Variants in CACNA1S observed in about 807,000 individuals in gnomAD.
CACNA1S encodes the protein voltage-dependent L-type calcium channel subunit alpha-1S.
Under a neutral mutation model 207.4 loss-of-function variants are expected in CACNA1S, and 126 were observed. The ratio of observed to expected loss-of-function variants is 0.61; its 90% confidence interval spans 0.53 to 0.70. CACNA1S has a LOEUF of 0.70. Ranked by LOEUF, CACNA1S falls within the 30% of genes least tolerant of loss-of-function variation. The probability of loss-of-function intolerance (pLI) is 0.00; values close to 1 mark genes in which losing one functional copy is unlikely to be tolerated. For missense variants in CACNA1S, 2,349 were observed against 2,422.8 expected, an observed-to-expected ratio of 0.97 and a Z score of 0.64; for synonymous variants, 960 against 932.7, an observed-to-expected ratio of 1.03 and a Z score of -0.53.
intron 11 of CACNA1S, among the ~76,000 whole-genome samples, chr1:201,077,562 T>C (rs908641698): frequency 2.0e-5 from 3 of 152,184 alleles, no homozygotes; most frequent in African/African-American, 7.2e-5. Context: ...TTCCACCCCT[T>C]TCCCTACAGC....
In CACNA1S at chr1:201,044,323, C is replaced by T; in HGVS notation, c.4797+5G>A. 6.2e-7 allele frequency: 1 copy of T among 1,613,318 alleles called. No homozygotes were observed. On this transcript the variant is annotated splice_donor_5th_base_variant and intron_variant, in intron 39 of 43. Coordinates refer to ENST00000362061, the MANE Select transcript of CACNA1S (RefSeq NM_000069.3). ...CCACTAGGGGTGCTCCTGGCTCTCC[C>T]TCACCCGGAATATTCCCTCCTCCAT...
chr1:201,040,801 C>CAAGCG, intron 41 of CACNA1S, 88 bp from the exon 42 acceptor site: 1 of 1,005,808 alleles, frequency 9.9e-7, no homozygotes, highest in African/African-American at 1.6e-5. Context: ...GCTGGCTAGC[C>CAAGCG]ACACTCTGTG....
intron 2 of CACNA1S, among the ~76,000 whole-genome samples, chr1:201,094,745 G>A (rs1388852942): frequency 6.6e-6 from 1 of 152,168 alleles, no homozygotes; most frequent in Non-Finnish European, 1.5e-5. Context: ...CGCAGGGTGA[G>A]TGGAGTGTGG....
Position 201,089,294 on chromosome 1 carries a change from G to A in CACNA1S, c.864C>T (p.Cys288=). The change falls in exon 6 of 44, where the codon TGC becomes TGT. Residue 288 remains cysteine (C), a synonymous_variant. Coordinates refer to ENST00000362061, the MANE Select transcript of CACNA1S (RefSeq NM_000069.3). ...FGFSMLTVYQ[C]ITMEGWTDVL... is the part of the protein sequence containing the mutation. ...CGTCAGTCCATCCCTCCATGGTAAT[G>A]CACTGGTACACGGTGAGCATGGAGA... 6.2e-7 allele frequency: 1 copy of A among 1,614,258 alleles called. No homozygotes were observed.
rs371715155 is a variant in CACNA1S at position 201,041,996 on chromosome 1, G to A, written c.5049-407C>T. 59 of 325,262 alleles carry A rather than the reference G, an allele frequency of 1.8e-4. No homozygotes were observed. In the Middle Eastern group the frequency reaches 3.2e-3, roughly 18 times the overall value. The allele number at this position is 325,262 out of a possible 1,614,324, so 20.1% of individuals were successfully genotyped here. A position where few individuals can be genotyped will look rare whatever the true frequency, so the allele number is the denominator to read the frequency against. ...TGAGGCCCAGGCATTGGGATTTGCA[G>A]AAGCTCCCTGGATTATCTAATGCAC... is the stretch of plus-strand genomic sequence containing the variant. On this transcript the variant is annotated intron_variant, in intron 40 of 43. Coordinates refer to ENST00000362061, the MANE Select transcript of CACNA1S (RefSeq NM_000069.3).
intron 41 of CACNA1S, 59 bp from the exon 42 acceptor site, chr1:201,040,772 G>A (rs1221226963): frequency 1.5e-6 from 2 of 1,319,114 alleles, no homozygotes; most frequent in African/African-American, 1.4e-5. Context: ...GGAGCCCTGA[G>A]TCAACAGAGG....
At chr1:201,077,462 G>A (rs532099887) in intron 11 of CACNA1S, among the ~76,000 whole-genome samples, 66 of 152,274 alleles carry the variant, frequency 4.3e-4, no homozygotes, top group Non-Finnish European at 8.4e-4. Flanking sequence ...TGCAAGTGAC[G>A]GATAAATAGT....
chr1:201,081,344 T>C lies in CACNA1S; in HGVS notation c.1393+1818A>G, dbSNP rs115693551. On this transcript the variant is annotated intron_variant, in intron 10 of 43. Coordinates refer to ENST00000362061, the MANE Select transcript of CACNA1S (RefSeq NM_000069.3). ...CTTTTCATTCCAGGAAACATCATTC[T>C]TATGCCTTATGCAGCAGTGTTACTT... Among the ~76,000 whole-genome samples the C allele has an allele frequency of 3.9e-3, 590 of 152,368 alleles. 2 individuals are homozygous for C. Among genetic ancestry groups the C allele is most frequent in the African/African-American group, 0.012 (481 of 41,592 alleles).
rs550651606 is a variant in CACNA1S, at chr1:201,064,281, C to T, written c.2853+1557G>A. Among the ~76,000 whole-genome samples, 94 of 152,308 alleles carry T rather than the reference C, an allele frequency of 6.2e-4. 1 individual carries two copies. Among genetic ancestry groups the T allele is most frequent in the African/African-American group, 2.1e-3 (89 of 41,558 alleles). ...AGGGGGCTGGGGAGCAGGAGGTGGA[C>T]AGCCCTCAGTTGGGCCAGGGGGAGA... On this transcript the variant is annotated intron_variant, in intron 22 of 43. Transcript: ENST00000362061.
intron 6 of CACNA1S, among the ~76,000 whole-genome samples, chr1:201,088,985 G>A (rs1049245646): frequency 3.3e-5 from 5 of 152,236 alleles, no homozygotes; most frequent in African/African-American, 1.2e-4. Flanking sequence ...TCACAGCCAG[G>A]TTTTTCCTGG....
At chr1:201,083,920 A>G (rs1028477987) in intron 9 of CACNA1S, among the ~76,000 whole-genome samples, 5 of 152,068 alleles carry the variant, frequency 3.3e-5, no homozygotes, top group Non-Finnish European at 7.4e-5. Context: ...CAGCAAGTCT[A>G]TTTCTAGAGT....
chr1:201,040,418 G>A, intron 42 of CACNA1S, 44 bp from the exon 43 acceptor site: 3 of 1,607,782 alleles, frequency 1.9e-6, no homozygotes, highest in Non-Finnish European at 2.5e-6. Flanking sequence ...AGGGGTGCTG[G>A]AGCCCACCAA....
intron 10 of CACNA1S, among the ~76,000 whole-genome samples, chr1:201,082,850 A>T (rs1661886431): frequency 6.6e-6 from 1 of 152,198 alleles, no homozygotes; most frequent in Non-Finnish European, 1.5e-5. Flanking sequence ...GTGATCTGTG[A>T]TTGGAATAAT....
Position 201,053,379 on chromosome 1 carries a change from C to T in CACNA1S, c.3795+80G>A. 2 of 1,612,228 alleles carry T rather than the reference C, an allele frequency of 1.2e-6. No individual in the cohort carries two copies. The highest frequency in any genetic ancestry group is 8.5e-7 in the Non-Finnish European group (1 of 1,178,418). On this transcript the variant is annotated intron_variant, in intron 30 of 43. Coordinates refer to ENST00000362061, the MANE Select transcript of CACNA1S (RefSeq NM_000069.3). This position sits in a 1 kb window ranked among gnomAD's most constrained non-coding sequence, Gnocchi z 5.1. ...AGGGCTCTGCCTTGCCCAGGGCTCC[C>T]CTGGGGCCCACCCTGGGCTGAGGCA...
At chr1:201,108,377 A>G (rs999496910) in intron 2 of CACNA1S, among the ~76,000 whole-genome samples, 9 of 152,196 alleles carry the variant, frequency 5.9e-5, no homozygotes, top group Admixed American at 4.6e-4. Context: ...TGCTGGGATT[A>G]CAGGCATGAG....
chr1:201,112,106 A>G (rs977100038), intron 1 of CACNA1S, 82 bp downstream of exon 1: 72 of 1,411,664 alleles, frequency 5.1e-5, no homozygotes, highest in Middle Eastern at 1.8e-4. Context: ...GCCCTCCTGT[A>G]GGAAGTTTGT....
chr1:201,100,197 C>T (rs939063855), intron 2 of CACNA1S, among the ~76,000 whole-genome samples: 2 of 152,252 alleles, frequency 1.3e-5, no homozygotes, highest in African/African-American at 4.8e-5. Context: ...TTGCACACCT[C>T]AGTTGTGGAC....
intron 5 of CACNA1S, 116 bp downstream of exon 5, chr1:201,091,524 T>G: frequency 8.6e-7 from 1 of 1,158,710 alleles, no homozygotes; most frequent in Non-Finnish European, 1.3e-6. Flanking sequence ...ATTCTCAAGG[T>G]CAACAGATGT....
intron 29 of CACNA1S, among the ~76,000 whole-genome samples, chr1:201,054,218 G>A (rs955662376): frequency 2.0e-5 from 3 of 152,218 alleles, no homozygotes; most frequent in African/African-American, 4.8e-5. Context: ...CTTTGCCAGC[G>A]ATCACAGTTC....
Sources: allele counts gnomAD v4.1 joint callset (sites outside exome capture counted in the v4.1 genomes callset), GRCh38; gene constraint gnomAD v4.1.1; non-coding constraint Gnocchi (gnomAD v3.1); transcripts MANE v1.5; gene names NCBI Gene and HGNC (gene_info 2026-07-23, HGNC 2026-07-21).